Variants in BST1 observed in about 807,000 individuals in gnomAD.
The protein encoded by BST1 is ADP-ribosyl cyclase/cyclic ADP-ribose hydrolase 2.
BST1 carries 49 observed loss-of-function variants against 40.6 expected under a neutral mutation model. The observed-to-expected ratio is 1.21, with a 90% confidence interval of 0.96 to 1.53. The LOEUF (loss-of-function observed/expected upper bound fraction) is 1.53. Ranked by LOEUF, BST1 falls within the 40% of genes most tolerant of loss-of-function variation. The probability of loss-of-function intolerance (pLI) is 0.00; values close to 1 mark genes in which losing one functional copy is unlikely to be tolerated. For missense variants in BST1, 423 were observed against 395.9 expected (o/e 1.07, Z -0.58); for synonymous variants, 157 against 159.3 (o/e 0.99, Z 0.11).
chr4:15,740,249 G>A (rs911967866), downstream of BST1, among the ~76,000 whole-genome samples: 1 of 152,132 alleles, frequency 6.6e-6, no homozygotes, highest in Non-Finnish European at 1.5e-5. Flanking sequence ...CTAGAGACGG[G>A]GTTTTGCCAT....
chr4:15,764,873 G>GGTGTGTGTGTGTGTGTGTGT, the BST1 span, among the ~76,000 whole-genome samples: 19,615 of 137,096 alleles, frequency 0.14, 1,413 homozygotes, highest in South Asian at 0.22. Flanking sequence ...AATTAGGTGA[G>GGTGTGTGTGTGTGTGTGTGT]GTGTGTGTGT....
chr4:15,712,093 C>T (rs767976331), intron 4 of BST1, among the ~76,000 whole-genome samples: 31 of 151,876 alleles, frequency 2.0e-4, no homozygotes, highest in Non-Finnish European at 4.1e-4. Context: ...GTGCCTGGCA[C>T]GGAGAAAACA....
At chr4:15,712,853 T>G (rs1446909410) in intron 4 of BST1, among the ~76,000 whole-genome samples, 1 of 152,232 alleles carries the variant, frequency 6.6e-6, no homozygotes, top group Non-Finnish European at 1.5e-5. Context: ...CAGTTGGCAG[T>G]GGCTGCCAGG....
the BST1 span, among the ~76,000 whole-genome samples, chr4:15,773,997 A>G: frequency 6.6e-6 from 1 of 152,222 alleles, no homozygotes; most frequent in South Asian, 2.1e-4. Context: ...GTACCTTAGA[A>G]TGTGGCTGTA....
At chr4:15,730,780 T>C (rs1721329711) in intron 8 of BST1, among the ~76,000 whole-genome samples, 1 of 152,204 alleles carries the variant, frequency 6.6e-6, no homozygotes, top group South Asian at 2.1e-4. Flanking sequence ...TTCATTGCAT[T>C]CCTGGAAAGA....
downstream of BST1, among the ~76,000 whole-genome samples, chr4:15,740,780 C>T (rs972579693): frequency 2.0e-5 from 3 of 152,098 alleles, no homozygotes; most frequent in African/African-American, 4.8e-5. Flanking sequence ...ACAAGCCAAA[C>T]TATCCGTCTG....
intron 3 of BST1, 101 bp downstream of exon 3, chr4:15,707,747 C>T (rs1719960350): frequency 4.3e-6 from 6 of 1,399,722 alleles, no homozygotes; most frequent in Non-Finnish European, 5.9e-6. Flanking sequence ...TCACTTGATC[C>T]TCTCCAAGTC....
chr4:15,735,102 G>A (rs988019813), downstream of BST1, among the ~76,000 whole-genome samples: 8 of 152,038 alleles, frequency 5.3e-5, no homozygotes, highest in African/African-American at 1.9e-4. Context: ...CCCTCCTCAG[G>A]GTCTTTGAAC....
At position 15,703,111 on chromosome 4, in the gene BST1, GGA is replaced by G; in HGVS notation, c.-33_-32del. 1 of 1,547,396 alleles carries G rather than the reference GGA, an allele frequency of 6.5e-7. No homozygotes were observed. The highest frequency in any genetic ancestry group is 2.0e-5 in the Admixed American group (1 of 50,056). On this transcript the variant is annotated 5_prime_UTR_variant, in exon 1 of 9. Transcript: ENST00000265016. ...GGTAGAAGGAGAGAAGGGGAGTGGA[GGA>G]AGCACGGGACTGGAGGGACCAAAGT...
the BST1 span, among the ~76,000 whole-genome samples, chr4:15,761,960 G>GAGGCCGAGAC: frequency 4.7e-4 from 72 of 151,860 alleles, 3 homozygotes; most frequent in Admixed American, 4.3e-3. Context: ...AGCACTTTGG[G>GAGGCCGAGAC]AGGCCGAGAC....
chr4:15,743,022 G>T (rs1240878616), downstream of BST1, among the ~76,000 whole-genome samples: 1 of 152,192 alleles, frequency 6.6e-6, no homozygotes, highest in African/African-American at 2.4e-5. Context: ...AAGGAGGACA[G>T]TTTTGAAATT....
chr4:15,737,802 A>G (rs1377237244), exon 7 of BST1: 2 of 1,286,544 alleles, frequency 1.6e-6, no homozygotes, highest in Admixed American at 2.3e-5. Context: ...TGTGGGAACC[A>G]TGATGGGGAA....
downstream of BST1, among the ~76,000 whole-genome samples, chr4:15,734,358 A>G (rs2148898529): frequency 6.6e-6 from 1 of 152,362 alleles, no homozygotes; most frequent in Non-Finnish European, 1.5e-5. Flanking sequence ...TAAACCAAAA[A>G]GAAATGTTTT....
chr4:15,768,062 C>T, the BST1 span, among the ~76,000 whole-genome samples: 1 of 152,182 alleles, frequency 6.6e-6, no homozygotes, highest in Admixed American at 6.5e-5. Flanking sequence ...TTCCTTTCTA[C>T]CTTTCAGCAC....
At chr4:15,712,606 A>T (rs561189571) in intron 4 of BST1, among the ~76,000 whole-genome samples, 1 of 152,108 alleles carries the variant, frequency 6.6e-6, no homozygotes, top group Non-Finnish European at 1.5e-5. Context: ...AGGACTATCC[A>T]TGTCTTTTTC....
At chr4:15,716,371 T>C (rs1416965331) in intron 6 of BST1, among the ~76,000 whole-genome samples, 1 of 152,218 alleles carries the variant, frequency 6.6e-6, no homozygotes, top group Non-Finnish European at 1.5e-5. Context: ...CTGATTTGGT[T>C]TAAAGACAAG....
At chr4:15,752,605 C>A in the BST1 span, among the ~76,000 whole-genome samples, 1 of 151,912 alleles carries the variant, frequency 6.6e-6, no homozygotes. Flanking sequence ...TCAGGCTGGT[C>A]TCAAACTCCT....
At chr4:15,724,027 T>A (rs965290127) in intron 8 of BST1, among the ~76,000 whole-genome samples, 6 of 152,226 alleles carry the variant, frequency 3.9e-5, no homozygotes, top group African/African-American at 1.2e-4. Flanking sequence ...ATCATACTTA[T>A]CCTGACAATC....
At chr4:15,752,003 G>T in the BST1 span, among the ~76,000 whole-genome samples, 1 of 152,138 alleles carries the variant, frequency 6.6e-6, no homozygotes, top group Admixed American at 6.6e-5. Flanking sequence ...AGGAGATTTA[G>T]TTTTGCACTG....
Sources: allele counts gnomAD v4.1 joint callset (sites outside exome capture counted in the v4.1 genomes callset), GRCh38; gene constraint gnomAD v4.1.1; transcripts MANE v1.5; gene names NCBI Gene and HGNC (gene_info 2026-07-23, HGNC 2026-07-21).